The following ANKDD1B variants were observed in gnomAD, a reference collection of about 807,000 sequenced individuals.
ANKDD1B encodes ankyrin repeat and death domain containing 1B, also known as ankyrin repeat and death domain-containing protein 1B.
In ANKDD1B, 57 loss-of-function variants were observed where a neutral mutation model predicts 59.7. The ratio of observed to expected loss-of-function variants is 0.95; its 90% CI spans 0.77 to 1.19. The LOEUF is 1.19. Among genes scored for constraint, ANKDD1B ranks in the 50% most tolerant of loss-of-function variants. The pLI, the probability that ANKDD1B is intolerant of heterozygous loss-of-function variation, is 0.00. For synonymous variants in ANKDD1B, 216 were observed against 239.5 expected (o/e 0.90, Z 0.91); for missense variants, 602 against 641.9 (o/e 0.94, Z 0.67).
intron 10 of ANKDD1B, among the ~76,000 whole-genome samples, chr5:75,659,656 G>C (rs1412432086): frequency 6.6e-6 from 1 of 151,974 alleles, no homozygotes; most frequent in Non-Finnish European, 1.5e-5. Flanking sequence ...AATTAGTAAG[G>C]GTTTAACAGT....
intron 11 of ANKDD1B, among the ~76,000 whole-genome samples, chr5:75,665,527 A>G (rs1775282926): frequency 6.6e-6 from 1 of 152,150 alleles, no homozygotes; most frequent in South Asian, 2.1e-4. Flanking sequence ...CTTCTTTTAG[A>G]ATTCCTGGGA....
intron 7 of ANKDD1B, among the ~76,000 whole-genome samples, chr5:75,638,168 C>T (rs1337443163): frequency 6.6e-6 from 1 of 152,168 alleles, no homozygotes; most frequent in Non-Finnish European, 1.5e-5. Flanking sequence ...CTTAGCTATG[C>T]TTTCCCTGTT....
chr5:75,671,178 A>G lies in ANKDD1B; in HGVS notation c.*138A>G. 5.0e-6 allele frequency: 2 copies of G among 403,520 alleles called. No homozygotes were observed. The allele number at this position is 403,520 out of a possible 1,614,324, so 25.0% of individuals were successfully genotyped here. ...AGGGAACTCTAACAGATGAAAGAAGAGTAATACCATGATACTTTTCAACCA... is the reference window on the plus strand; with the variant it reads ...AGGGAACTCTAACAGATGAAAGAAGGGTAATACCATGATACTTTTCAACCA... On this transcript the variant is annotated 3_prime_UTR_variant, in exon 14 of 14. Transcript: ENST00000601380.
chr5:75,637,684 A>G (rs1171727258), intron 7 of ANKDD1B, among the ~76,000 whole-genome samples: 1 of 152,254 alleles, frequency 6.6e-6, no homozygotes, highest in Non-Finnish European at 1.5e-5. Flanking sequence ...TTACATGCAT[A>G]TATAAAGGAA....
intron 7 of ANKDD1B, among the ~76,000 whole-genome samples, chr5:75,637,997 C>T (rs560891111): frequency 6.6e-6 from 1 of 152,292 alleles, no homozygotes; most frequent in South Asian, 2.1e-4. Flanking sequence ...GTTGACTGAG[C>T]TAGCACTCAT....
intron 1 of ANKDD1B, among the ~76,000 whole-genome samples, chr5:75,616,480 C>A (rs957260955): frequency 5.3e-5 from 8 of 152,124 alleles, no homozygotes; most frequent in African/African-American, 1.9e-4. Context: ...TTTTTACAAA[C>A]AATGCCCCCT....
intron 2 of ANKDD1B, among the ~76,000 whole-genome samples, chr5:75,617,688 G>C (rs1773748401): frequency 6.6e-6 from 1 of 152,198 alleles, no homozygotes; most frequent in South Asian, 2.1e-4. Flanking sequence ...AAGGCACTGA[G>C]AGGGCTCTAG....
At position 75,667,011 on chromosome 5, in the gene ANKDD1B, G is replaced by C. The variant is rs997083979; in HGVS notation, c.1393+18G>C. 12 of 1,409,622 alleles carry C rather than the reference G, an allele frequency of 8.5e-6. No homozygotes were observed. The highest frequency in any genetic ancestry group is 1.1e-5 in the Non-Finnish European group (12 of 1,080,290). The allele number at this position is 1,409,622 out of a possible 1,614,324, so 87.3% of individuals were successfully genotyped here. ...GTGGTCGGGTGAGTACAGACTAGAT[G>C]ATGTGGGCAGGAGGAATTCACTGTT... On this transcript the variant is annotated intron_variant, in intron 12 of 13. Transcript: ENST00000601380.
Position 75,635,839 on chromosome 5 carries a change from A to T in ANKDD1B, c.755A>T (p.Gln252Leu), listed in dbSNP as rs1175982464. The change falls in exon 7 of 14, where the codon CAG becomes CTG. Residue 252 changes from glutamine to leucine, a missense_variant. Gln to Leu is a moderately radical substitution (Grantham distance 113). Coordinates refer to ENST00000601380, the MANE Select transcript of ANKDD1B (RefSeq NM_001276713.2). The stretch of plus-strand genomic sequence containing the variant: ...AAGCATGGTCACAGTCCTGCAGTGC[A>T]GGTGCTGCTAGCCCAGTGGCAAGAC... ...AAKHGHSPAV[Q>L]VLLAQWQDIN... The T allele has an allele frequency of 3.3e-6, 5 of 1,534,050 alleles. No homozygotes were observed. In the East Asian group the frequency reaches 1.2e-4, roughly 38 times the overall value.
intron 13 of ANKDD1B, among the ~76,000 whole-genome samples, chr5:75,670,570 G>C (rs939027250): frequency 6.6e-6 from 1 of 152,180 alleles, no homozygotes. Context: ...AATCAGATTT[G>C]CTTCAGCCTC....
At chr5:75,648,988 A>G (rs114121478) in intron 7 of ANKDD1B, among the ~76,000 whole-genome samples, 1 of 152,208 alleles carries the variant, frequency 6.6e-6, no homozygotes, top group African/African-American at 2.4e-5. Flanking sequence ...TGAGATTATG[A>G]ATGTAGTTGA....
At chr5:75,634,847 C>T in intron 5 of ANKDD1B, 51 bp from the exon 6 acceptor site, 1 of 1,193,320 alleles carries the variant, frequency 8.4e-7, no homozygotes, top group Non-Finnish European at 1.2e-6. Flanking sequence ...CATTGTCTTG[C>T]TTGTTCACTA....
At chr5:75,644,425 A>G (rs1490914172) in intron 7 of ANKDD1B, among the ~76,000 whole-genome samples, 1 of 79,590 alleles carries the variant, frequency 1.3e-5, no homozygotes, top group Non-Finnish European at 2.1e-5. Flanking sequence ...AATGGAAAAC[A>G]AAAAAAGGCA....
chr5:75,637,809 T>C (rs1774357669), intron 7 of ANKDD1B, among the ~76,000 whole-genome samples: 1 of 152,098 alleles, frequency 6.6e-6, no homozygotes, highest in Non-Finnish European at 1.5e-5. Context: ...TCTTACTTTC[T>C]TTTTTTTCTT....
chr5:75,626,969 G>GT (rs1260308733), intron 5 of ANKDD1B, among the ~76,000 whole-genome samples: 8 of 152,140 alleles, frequency 5.3e-5, no homozygotes, highest in African/African-American at 1.9e-4. Flanking sequence ...CATTTCACCT[G>GT]TTTTTAAAAA....
intron 1 of ANKDD1B, among the ~76,000 whole-genome samples, chr5:75,614,556 C>T (rs1174605730): frequency 6.6e-6 from 1 of 152,142 alleles, no homozygotes; most frequent in Non-Finnish European, 1.5e-5. Context: ...GATGGAGGTA[C>T]CACCATCTTG....
chr5:75,625,612 G>A, intron 3 of ANKDD1B, 35 bp from the exon 4 acceptor site: 2 of 1,503,084 alleles, frequency 1.3e-6, no homozygotes, highest in Non-Finnish European at 1.8e-6. Flanking sequence ...GCTTGTCAGA[G>A]TGATAGATTC....
rs1773746004 is a variant in ANKDD1B at position 75,617,574 on chromosome 5, G to A, written c.297+667G>A. On this transcript the variant is annotated intron_variant, in intron 2 of 13. Coordinates refer to ENST00000601380, the MANE Select transcript of ANKDD1B (RefSeq NM_001276713.2). Reference sequence around the variant, plus strand: ...GTGAAGGTTGGAGGCTGTGTCAATTGCTTAGGACAATTTGTGGAGTGGTTC... The same window carrying A: ...GTGAAGGTTGGAGGCTGTGTCAATTACTTAGGACAATTTGTGGAGTGGTTC... Among the ~76,000 whole-genome samples, 5 of 152,278 alleles carry A rather than the reference G, an allele frequency of 3.3e-5. No individual in the cohort carries two copies. The South Asian group carries it at 1.0e-3, about 32-fold the overall frequency.
intron 7 of ANKDD1B, among the ~76,000 whole-genome samples, chr5:75,636,279 A>G (rs1281201171): frequency 1.3e-5 from 2 of 152,180 alleles, no homozygotes; most frequent in Non-Finnish European, 2.9e-5. Flanking sequence ...AAGAGGTGAT[A>G]TATTATCTGG....
Sources: allele counts gnomAD v4.1 joint callset (sites outside exome capture counted in the v4.1 genomes callset), GRCh38; gene constraint gnomAD v4.1.1; transcripts MANE v1.5; gene names NCBI Gene and HGNC (gene_info 2026-07-23, HGNC 2026-07-21).